The following DVL3 variants were observed in gnomAD, a reference collection of about 807,000 sequenced individuals.
DVL3 encodes the protein dishevelled segment polarity protein 3.
A neutral mutation model predicts 67.4 loss-of-function variants in DVL3; 27 were observed. The ratio of observed to expected loss-of-function variants is 0.40; its 90% CI spans 0.30 to 0.55. The LOEUF (loss-of-function observed/expected upper bound fraction) is 0.55, where lower values mean the gene tolerates loss of function less well. Among genes scored for constraint, DVL3 ranks in the 20% least tolerant of loss-of-function variants. The pLI is 0.46. For missense variants in DVL3, 819 were observed against 1,021.5 expected (o/e 0.80, Z 2.70); for synonymous variants, 369 against 396.8 (o/e 0.93, Z 0.83).
At chr3:184,157,631 CTT>C (rs1560115512) in intron 1 of DVL3, among the ~76,000 whole-genome samples, 3 of 152,226 alleles carry the variant, frequency 2.0e-5, no homozygotes. Context: ...ATAGGTCTGA[CTT>C]TTCTGTTTAT....
intron 1 of DVL3, among the ~76,000 whole-genome samples, chr3:184,158,584 AGGAAGGTCAGGC>A (rs1459400975): frequency 1.3e-5 from 2 of 151,992 alleles, no homozygotes; most frequent in Non-Finnish European, 2.9e-5. Context: ...GCCCCACAAG[AGGAAGGTCAGGC>A]GGAGGTCAGT....
rs745569187 is a variant in DVL3, at chr3:184,163,733, A to T, written c.231+7A>T. The T allele has an allele frequency of 3.7e-6, 6 of 1,613,722 alleles. No individual in the cohort carries two copies. The highest frequency in any genetic ancestry group is 1.1e-5 in the South Asian group (1 of 91,072). On this transcript the variant is annotated splice_region_variant and intron_variant, in intron 2 of 14. Coordinates refer to ENST00000313143, the MANE Select transcript of DVL3 (RefSeq NM_004423.4). This position sits in a 1 kb window ranked among gnomAD's most constrained non-coding sequence, Gnocchi z 4.5. ...TGGCCGGGTGGTGTCCTGGGTAAGG[A>T]GCCCTCAGCCTTCCATCCACCTGCA...
rs776910024 is a variant in DVL3 at position 184,167,020 on chromosome 3, G to A, written c.1198+45G>A. Reference sequence around the variant, plus strand: ...TCCTGGGCCCAGCAGACAGGGCCAGGTGGGGGGACTGATGAGGGTCCATGT... The same window carrying A: ...TCCTGGGCCCAGCAGACAGGGCCAGATGGGGGGACTGATGAGGGTCCATGT... On this transcript the variant is annotated intron_variant, in intron 11 of 14. Transcript: ENST00000313143. This position sits in a 1 kb window ranked among gnomAD's most constrained non-coding sequence, Gnocchi z 4.6. The A allele has an allele frequency of 2.5e-6, 4 of 1,603,792 alleles. No homozygotes were observed. The South Asian group carries it at 3.3e-5, about 13-fold the overall frequency.
chr3:184,162,560 CTTTTTT>C (rs35869796), intron 1 of DVL3, among the ~76,000 whole-genome samples: 1 of 123,516 alleles, frequency 8.1e-6, no homozygotes, highest in Non-Finnish European at 1.6e-5. Flanking sequence ...TTTTTCTTTT[CTTTTTT>C]TTTTTTTTTT....
chr3:184,161,750 C>T (rs1490307807), intron 1 of DVL3, among the ~76,000 whole-genome samples: 4 of 152,286 alleles, frequency 2.6e-5, no homozygotes, highest in African/African-American at 9.6e-5. Flanking sequence ...CCCACATTAC[C>T]TCTGTTATTA....
At position 184,170,988 on chromosome 3, in the gene DVL3, C is replaced by T; in HGVS notation, c.*233C>T. 6.7e-7 allele frequency: 1 copy of T among 1,495,444 alleles called. No homozygotes were observed. The highest frequency in any genetic ancestry group is 1.2e-5 in the South Asian group (1 of 81,916). The allele number at this position is 1,495,444 out of a possible 1,614,324, so 92.6% of individuals were successfully genotyped here. The stretch of plus-strand genomic sequence containing the variant: ...GTTCGTTTCCTCTGCCCACTAATCC[C>T]TGCGCAGGACTTCCCAGGACCCCTT... On this transcript the variant is annotated 3_prime_UTR_variant, in exon 15 of 15. Transcript: ENST00000313143. The surrounding 1 kb of genome is among the most constrained non-coding windows in gnomAD (Gnocchi z 6.5).
Position 184,166,492 on chromosome 3 carries a change from G to A in DVL3, c.950G>A (p.Arg317Gln), listed in dbSNP as rs749840241. Reference sequence around the variant, plus strand: ...AACATGAGTAATGACGATGCAGTCCGGGTACTGCGGGAGATTGTGCACAAA... The same window carrying A: ...AACATGAGTAATGACGATGCAGTCCAGGTACTGCGGGAGATTGTGCACAAA... ...FENMSNDDAVRVLREIVHKPG... is the reference protein window; with the variant it reads ...FENMSNDDAVQVLREIVHKPG... The change falls in exon 9 of 15, where the codon CGG becomes CAG. Residue 317 changes from arginine to glutamine, a missense_variant. Transcript: ENST00000313143. The surrounding 1 kb of genome is among the most constrained non-coding windows in gnomAD (Gnocchi z 6.7). 1.9e-6 allele frequency: 3 copies of A among 1,614,020 alleles called. No individual in the cohort carries two copies. Among genetic ancestry groups the A allele is most frequent in the African/African-American group, 1.3e-5 (1 of 74,902 alleles).
At chr3:184,157,441 C>G (rs968405367) in intron 1 of DVL3, among the ~76,000 whole-genome samples, 13 of 152,116 alleles carry the variant, frequency 8.5e-5, no homozygotes, top group Non-Finnish European at 1.5e-4. Flanking sequence ...ACCCACTGGA[C>G]CTGGCCCCTG....
intron 13 of DVL3, among the ~76,000 whole-genome samples, chr3:184,169,350 A>C (rs74673240): frequency 0.023 from 3,554 of 152,284 alleles, 139 homozygotes; most frequent in African/African-American, 0.08. Flanking sequence ...CAGCCTTCCA[A>C]ATTCTCCAGT....
Position 184,170,146 on chromosome 3 carries a change from T to A in DVL3, c.1639T>A (p.Tyr547Asn). ...CCAGTACCCGCCACCCCCGCACCCA[T>A]ACAACCCGCACCCGGGCTTCCCGGA... ...PYQYPPPPHP[Y>N]NPHPGFPELG... Residue 547 changes from tyrosine to asparagine, a missense_variant, in exon 14 of 15, where the codon TAC (tyrosine) becomes AAC (asparagine). Tyr to Asn is a moderately radical substitution (Grantham distance 143). This residue lies in a region of DVL3 where 324 missense variants were observed against 331.3 expected (regional missense o/e 0.98). Transcript: ENST00000313143. This position sits in a 1 kb window ranked among gnomAD's most constrained non-coding sequence, Gnocchi z 6.5. 1 of 1,611,622 alleles carries A rather than the reference T, an allele frequency of 6.2e-7. No homozygotes were observed. Among genetic ancestry groups the A allele is most frequent in the African/African-American group, 1.3e-5 (1 of 75,028 alleles).
rs137916356 is a variant in DVL3 at position 184,164,655 on chromosome 3, T to A, written c.463+54T>A. 3 of 1,551,510 alleles carry A rather than the reference T, an allele frequency of 1.9e-6. No homozygotes were observed. In the East Asian group the frequency reaches 6.8e-5, roughly 35 times the overall value. ...CGCACCTCACACCCTCCCCTCACTT[T>A]CCACCCAGCTACCCACCTTCTTGCC... On this transcript the variant is annotated intron_variant, in intron 4 of 14. Transcript: ENST00000313143. The surrounding 1 kb of genome is among the most constrained non-coding windows in gnomAD (Gnocchi z 5.3).
rs1447358843 is a variant in DVL3 at position 184,164,415 on chromosome 3, G to A, written c.353+27G>A. On this transcript the variant is annotated intron_variant, in intron 3 of 14. Coordinates refer to ENST00000313143, the MANE Select transcript of DVL3 (RefSeq NM_004423.4). The surrounding 1 kb of genome is among the most constrained non-coding windows in gnomAD (Gnocchi z 5.3). ...TGAGTGTGACCTGAGGGTGGGGAGGGCCGCATCAGTTCAGCCCAGGGCTGG... is the reference window on the plus strand; with the variant it reads ...TGAGTGTGACCTGAGGGTGGGGAGGACCGCATCAGTTCAGCCCAGGGCTGG... 10 of 1,610,820 alleles carry A rather than the reference G, an allele frequency of 6.2e-6. No homozygotes were observed. In the South Asian group the frequency reaches 7.7e-5, roughly 12 times the overall value.
At chr3:184,162,001 C>T (rs1714397229) in intron 1 of DVL3, among the ~76,000 whole-genome samples, 1 of 152,150 alleles carries the variant, frequency 6.6e-6, no homozygotes, top group Admixed American at 6.5e-5. Flanking sequence ...ATGTTAGAGT[C>T]AGGCTAACCA....
chr3:184,169,976 C>A (rs750723632), intron 13 of DVL3, 30 bp from the exon 14 acceptor site: 1 of 1,571,860 alleles, frequency 6.4e-7, no homozygotes, highest in Non-Finnish European at 8.7e-7. Context: ...TCCGGAAAGA[C>A]CTAGCTCCAT....
At position 184,167,537 on chromosome 3, in the gene DVL3, C is replaced by G. The variant is rs1714640299; in HGVS notation, c.1199-43C>G. ...AATGCAAACTCTTGTTTACCTAACT[C>G]CAAAGCCCCTTTCTGCCTCACCATT... On this transcript the variant is annotated intron_variant, in intron 11 of 14. Coordinates refer to ENST00000313143, the MANE Select transcript of DVL3 (RefSeq NM_004423.4). This position sits in a 1 kb window ranked among gnomAD's most constrained non-coding sequence, Gnocchi z 4.6. 2 of 1,594,956 alleles carry G rather than the reference C, an allele frequency of 1.3e-6. No individual in the cohort carries two copies. The highest frequency in any genetic ancestry group is 1.3e-5 in the African/African-American group (1 of 74,726).
chr3:184,158,612 T>C (rs943322144), intron 1 of DVL3, among the ~76,000 whole-genome samples: 1 of 152,016 alleles, frequency 6.6e-6, no homozygotes, highest in Non-Finnish European at 1.5e-5. Context: ...TCAGTGACCC[T>C]AGAGGAAGGA....
chr3:184,173,213 G>A lies in DVL3; in HGVS notation c.*2458G>A, dbSNP rs1252957649. ...TATGTTCCTCCTGAATTCCTCTCCT[G>A]GTTACTTCATCACAATCTACATAGG... is the stretch of plus-strand genomic sequence containing the variant. On this transcript the variant is annotated 3_prime_UTR_variant, in exon 15 of 15. Coordinates refer to ENST00000313143, the MANE Select transcript of DVL3 (RefSeq NM_004423.4). 1 of 152,192 alleles carries A rather than the reference G, an allele frequency of 6.6e-6. No individual in the cohort carries two copies. Among genetic ancestry groups the A allele is most frequent in the Non-Finnish European group, 1.5e-5 (1 of 68,074 alleles). The allele number at this position is 152,192 out of a possible 1,614,324, so 9.4% of individuals were successfully genotyped here.
chr3:184,165,332 G>C lies in DVL3; in HGVS notation c.694-90G>C. 6.5e-7 allele frequency: 1 copy of C among 1,543,928 alleles called. No homozygotes were observed. Among genetic ancestry groups the C allele is most frequent in the Non-Finnish European group, 8.9e-7 (1 of 1,124,708 alleles). ...AGTGTTGAGAACCTTGGGGCTGGGG[G>C]CTGCACCGGGGACTCACCTTGAGGA... On this transcript the variant is annotated intron_variant, in intron 6 of 14. Coordinates refer to ENST00000313143, the MANE Select transcript of DVL3 (RefSeq NM_004423.4). This position sits in a 1 kb window ranked among gnomAD's most constrained non-coding sequence, Gnocchi z 4.1.
Position 184,167,189 on chromosome 3 carries a change from G to A in DVL3, c.1198+214G>A, listed in dbSNP as rs962434370. On this transcript the variant is annotated intron_variant, in intron 11 of 14. Transcript: ENST00000313143. This position sits in a 1 kb window ranked among gnomAD's most constrained non-coding sequence, Gnocchi z 4.6. The stretch of plus-strand genomic sequence containing the variant: ...CTGAACTTGTATGAGCACCCAGGGC[G>A]CCTCAGTTTCCTCTTACAAAATGGG... Among the ~76,000 whole-genome samples the A allele has an allele frequency of 1.3e-5, 2 of 152,134 alleles. No homozygotes were observed. Among genetic ancestry groups the A allele is most frequent in the Non-Finnish European group, 2.9e-5 (2 of 68,032 alleles).
Sources: allele counts gnomAD v4.1 joint callset (sites outside exome capture counted in the v4.1 genomes callset), GRCh38; gene constraint gnomAD v4.1.1; regional missense constraint gnomAD v4.1.1; non-coding constraint Gnocchi (gnomAD v3.1); transcripts MANE v1.5; gene names NCBI Gene and HGNC (gene_info 2026-07-23, HGNC 2026-07-21).